Variants in ALG13 observed in about 807,000 individuals in gnomAD.
ALG13 encodes ALG13 UDP-N-acetylglucosaminyltransferase subunit.
A neutral mutation model predicts 87.8 loss-of-function variants in ALG13; 11 were observed. The observed-to-expected ratio is 0.13, with a 90% CI of 0.08 to 0.21. ALG13 has a LOEUF of 0.21. ALG13 is among the 10% of genes least tolerant of loss of function. The pLI is 1.00. For synonymous variants in ALG13, 320 were observed against 306.3 expected, an observed-to-expected ratio of 1.04 and a Z score of -0.47; for missense variants, 756 against 866.1, an observed-to-expected ratio of 0.87 and a Z score of 1.60.
chrX:111,705,179 G>C (rs1464156369), intron 3 of ALG13, among the ~76,000 whole-genome samples: 2 of 111,791 alleles, frequency 1.8e-5, no homozygotes, highest in Non-Finnish European at 3.8e-5. Context: ...AGCTATCCTG[G>C]TAGGTATGTA....
At chrX:111,716,494 G>A (rs1194748792) in intron 8 of ALG13, among the ~76,000 whole-genome samples, 1 of 112,200 alleles carries the variant, frequency 8.9e-6, no homozygotes, top group Non-Finnish European at 1.9e-5. Context: ...CCCAGTTCTT[G>A]TAGCCCAAAG....
At chrX:111,759,677 G>A in intron 26 of ALG13, 57 bp from the exon 27 acceptor site, 1 of 1,018,272 alleles carries the variant, frequency 9.8e-7, no homozygotes, top group Non-Finnish European at 1.3e-6. Context: ...GTTGCATGGG[G>A]TTCTGTTTTG....
chrX:111,741,858 A>C (rs1221372336), intron 23 of ALG13, among the ~76,000 whole-genome samples: 1 of 111,208 alleles, frequency 9.0e-6, no homozygotes, highest in Non-Finnish European at 1.9e-5. Context: ...ACAAAAACAT[A>C]CAATAAATGT....
At chrX:111,719,526 T>A (rs1354169104) in intron 10 of ALG13, among the ~76,000 whole-genome samples, 1 of 112,360 alleles carries the variant, frequency 8.9e-6, no homozygotes, top group African/African-American at 3.2e-5. Context: ...AACAGCACAT[T>A]TTTCTCACAA....
chrX:111,722,052 G>T (rs1053505177), intron 12 of ALG13, among the ~76,000 whole-genome samples: 4 of 111,750 alleles, frequency 3.6e-5, no homozygotes, highest in Non-Finnish European at 7.5e-5. Context: ...TTAGGCCTGT[G>T]GGTCAAATCT....
chrX:111,681,507 C>T (rs1176338442), intron 1 of ALG13: 2 of 1,020,251 alleles, frequency 2.0e-6, no homozygotes, highest in African/African-American at 1.9e-5. Flanking sequence ...TTGCCTGTTT[C>T]CTCTTCCCAT....
chrX:111,690,592 G>T (rs1252634542), intron 3 of ALG13, among the ~76,000 whole-genome samples: 2 of 110,845 alleles, frequency 1.8e-5, no homozygotes, highest in Non-Finnish European at 3.8e-5. Flanking sequence ...GGACACCTTA[G>T]ACCTCTACTT....
At chrX:111,688,972 C>T in intron 3 of ALG13, 1 of 743,352 alleles carries the variant, frequency 1.3e-6, no homozygotes, top group Non-Finnish European at 1.6e-6. Context: ...ACTATAAAGA[C>T]CTCTCTTCCA....
intron 3 of ALG13, among the ~76,000 whole-genome samples, chrX:111,698,282 C>G (rs1467680958): frequency 2.7e-5 from 3 of 111,620 alleles, no homozygotes; most frequent in Non-Finnish European, 5.7e-5. Flanking sequence ...TTATAGGGTA[C>G]AATGTAATGT....
rs187572465 is a variant in ALG13 at position 111,730,514 on chromosome X, A to G, written c.2402-11A>G. On this transcript the variant is annotated splice_polypyrimidine_tract_variant and intron_variant, in intron 20 of 26. Transcript: ENST00000394780. ...ATAATGCTCATTTTTTACTTTGGCT[A>G]TATTCTCTAGAGCCAGACTATGAAA... 45 of 1,192,382 alleles carry G rather than the reference A, an allele frequency of 3.8e-5. No homozygotes were observed. In the East Asian group the frequency reaches 5.4e-4, roughly 14 times the overall value.
intron 24 of ALG13, among the ~76,000 whole-genome samples, chrX:111,746,334 G>A (rs754164983): frequency 7.2e-5 from 8 of 111,445 alleles, no homozygotes; most frequent in African/African-American, 2.0e-4. Context: ...AGTTTTTCCC[G>A]TGCTCTCCCT....
intron 15 of ALG13, among the ~76,000 whole-genome samples, chrX:111,726,297 G>T (rs1942032383): frequency 1.0e-5 from 1 of 96,641 alleles, no homozygotes; most frequent in Admixed American, 1.2e-4. Flanking sequence ...GCAGTTGTGC[G>T]ATCTTGGCTC....
chrX:111,684,897 C>T, intron 2 of ALG13, 68 bp from the exon 3 acceptor site: 1 of 1,052,765 alleles, frequency 9.5e-7, no homozygotes, highest in Non-Finnish European at 1.3e-6. Context: ...TGATTTCTAG[C>T]TATAAAGCTT....
rs757290080 is a variant in ALG13 at position 111,755,572 on chromosome X, A to AAATTTACAAG, written c.2974-2013_2974-2004dup. 3.3e-4 allele frequency among the ~76,000 whole-genome samples: 37 copies of AAATTTACAAG among 112,696 alleles called. No homozygotes were observed. In the East Asian group the frequency reaches 9.8e-3, roughly 30 times the overall value. ...AATATCCAGAATCTACAAGGAACTT[A>AAATTTACAAG]AATTTACAAGAAATAAACAACCCCA... On this transcript the variant is annotated intron_variant, in intron 25 of 26. Transcript: ENST00000394780.
chrX:111,741,899 G>C (rs1943780286), intron 23 of ALG13, among the ~76,000 whole-genome samples: 1 of 111,269 alleles, frequency 9.0e-6, no homozygotes, highest in African/African-American at 3.3e-5. Flanking sequence ...CACTGGAAAT[G>C]TTAATGTAGA....
intron 3 of ALG13, among the ~76,000 whole-genome samples, chrX:111,700,784 G>T (rs1273292428): frequency 1.0e-5 from 1 of 99,903 alleles, no homozygotes; most frequent in Non-Finnish European, 2.0e-5. Context: ...GTAGAGATGC[G>T]GTTTCACTAT....
At chrX:111,688,660 C>G (rs1212800310) in intron 3 of ALG13, 2 of 749,081 alleles carry the variant, frequency 2.7e-6, no homozygotes, top group East Asian at 3.0e-4. Context: ...GGACTTATAC[C>G]AATAGGACTT....
Position 111,682,122 on chromosome X carries a change from C to T in ALG13, c.82-10C>T, listed in dbSNP as rs199717765. The T allele has an allele frequency of 2.1e-5, 24 of 1,165,202 alleles. No individual in the cohort carries two copies. The East Asian group carries it at 6.8e-4, about 33-fold the overall frequency. Reference sequence around the variant, plus strand: ...TTAAAAGGCCCTCACATTCTGATTTCCTCTTTCAGAAAATCGAGAGCCTTG... The same window carrying T: ...TTAAAAGGCCCTCACATTCTGATTTTCTCTTTCAGAAAATCGAGAGCCTTG... On this transcript the variant is annotated splice_polypyrimidine_tract_variant and intron_variant, in intron 1 of 26. Coordinates refer to ENST00000394780, the MANE Select transcript of ALG13 (RefSeq NM_001099922.3).
At chrX:111,696,835 T>G (rs1189380814) in intron 3 of ALG13, among the ~76,000 whole-genome samples, 2 of 111,433 alleles carry the variant, frequency 1.8e-5, no homozygotes, top group African/African-American at 6.5e-5. Flanking sequence ...TGCTTAAAAC[T>G]TAAAATGTCT....
Sources: gnomAD v4.1 joint callset for allele counts (sites outside exome capture counted in the v4.1 genomes callset) on GRCh38, gnomAD v4.1.1 for gene constraint, MANE v1.5 for transcripts, NCBI Gene and HGNC (gene_info 2026-07-23, HGNC 2026-07-21) for gene names.